MECOM: variants seen among roughly 807,000 people sequenced by gnomAD.
MECOM encodes the protein histone-lysine N-methyltransferase MECOM.
Under a neutral mutation model 116.3 loss-of-function variants are expected in MECOM, and 13 were observed. That is an observed-to-expected ratio of 0.11 (90% CI 0.07 to 0.18). The LOEUF (loss-of-function observed/expected upper bound fraction) is 0.18. MECOM is among the 10% of genes least tolerant of loss of function. MECOM has a pLI of 1.00. For synonymous variants in MECOM, 528 were observed against 535.2 expected, an observed-to-expected ratio of 0.99 and a Z score of 0.19; for missense variants, 1,299 against 1,509.0, an observed-to-expected ratio of 0.86 and a Z score of 2.31.
chr3:169,433,161 T>A (rs568589094), intron 1 of MECOM, among the ~76,000 whole-genome samples: 1 of 152,242 alleles, frequency 6.6e-6, no homozygotes, highest in East Asian at 1.9e-4. Flanking sequence ...AGAACCAATG[T>A]TGTCATGATG....
intron 2 of MECOM, among the ~76,000 whole-genome samples, chr3:169,260,101 C>T (rs1362183528): frequency 6.6e-6 from 1 of 152,194 alleles, no homozygotes; most frequent in Non-Finnish European, 1.5e-5. Flanking sequence ...TCATTAATCT[C>T]TAATTTTAAT....
intron 1 of MECOM, among the ~76,000 whole-genome samples, chr3:169,385,359 T>C (rs1191094895): frequency 6.6e-6 from 1 of 151,992 alleles, no homozygotes; most frequent in Non-Finnish European, 1.5e-5. Context: ...AAGAACAACT[T>C]ACATAGGTCA....
At chr3:169,136,331 C>T (rs1185527366) in intron 3 of MECOM, among the ~76,000 whole-genome samples, 1 of 151,186 alleles carries the variant, frequency 6.6e-6, no homozygotes, top group Non-Finnish European at 1.5e-5. Context: ...TTAGTAATCT[C>T]ATGTATATAA....
At chr3:169,536,559 A>G (rs1218344812) in intron 1 of MECOM, among the ~76,000 whole-genome samples, 2 of 152,024 alleles carry the variant, frequency 1.3e-5, no homozygotes, top group Non-Finnish European at 2.9e-5. Flanking sequence ...CTTTCCAAAA[A>G]AAAAAGAAAA....
At chr3:169,322,931 C>T (rs933576751) in intron 2 of MECOM, among the ~76,000 whole-genome samples, 1 of 120,512 alleles carries the variant, frequency 8.3e-6, no homozygotes, top group African/African-American at 3.3e-5. Context: ...CCGGGGGGGG[C>T]AGAGTTTGCA....
Position 169,107,961 on chromosome 3 carries a change from A to G in MECOM, c.2578-9T>C, listed in dbSNP as rs534375274. 3.7e-6 allele frequency: 6 copies of G among 1,612,462 alleles called. No homozygotes were observed. In the Admixed American group the frequency reaches 6.7e-5, roughly 18 times the overall value. On this transcript the variant is annotated splice_polypyrimidine_tract_variant and intron_variant, in intron 9 of 16. Transcript: ENST00000651503. ...TGATCAGGCAGTTGGAACTGGGAGC[A>G]AAATTGAAACAAAAACAAAAAATTA...
intron 5 of MECOM, among the ~76,000 whole-genome samples, chr3:169,127,469 C>G (rs937273668): frequency 1.3e-5 from 2 of 152,004 alleles, no homozygotes; most frequent in African/African-American, 4.8e-5. Context: ...CAGATCTAGT[C>G]CTTTAAAAAA....
intron 1 of MECOM, among the ~76,000 whole-genome samples, chr3:169,602,948 C>G (rs1296705125): frequency 1.3e-5 from 2 of 152,078 alleles, no homozygotes; most frequent in African/African-American, 4.8e-5. Flanking sequence ...AGGCTAGCCC[C>G]CAATACATAT....
intron 1 of MECOM, among the ~76,000 whole-genome samples, chr3:169,635,640 T>C (rs1772644099): frequency 6.6e-6 from 1 of 152,264 alleles, no homozygotes; most frequent in Admixed American, 6.5e-5. Context: ...CAAATATTCA[T>C]TGAACATGTA....
rs149342834 is a variant in MECOM at position 169,538,483 on chromosome 3, A to G, written c.37+124853T>C. Among the ~76,000 whole-genome samples the G allele has an allele frequency of 5.3e-4, 81 of 152,318 alleles. No individual in the cohort carries two copies. The Middle Eastern group carries it at 0.017, about 32-fold the overall frequency. ...ACTAAGTGAAAGCAAGTGACTACAAATTCCCTATCCTCAGTTTGCAAAACA... is the reference window on the plus strand; with the variant it reads ...ACTAAGTGAAAGCAAGTGACTACAAGTTCCCTATCCTCAGTTTGCAAAACA... On this transcript the variant is annotated intron_variant, in intron 1 of 16. Transcript: ENST00000651503.
chr3:169,477,212 C>T (rs75133804), intron 1 of MECOM, among the ~76,000 whole-genome samples: 4,877 of 143,506 alleles, frequency 0.034, 123 homozygotes, highest in South Asian at 0.089. Context: ...AGGTAGATTC[C>T]TAGTTAAATG....
chr3:169,529,606 T>C (rs1158176359), intron 1 of MECOM, among the ~76,000 whole-genome samples: 2 of 152,196 alleles, frequency 1.3e-5, no homozygotes, highest in African/African-American at 4.8e-5. Flanking sequence ...CACCTGTAGA[T>C]CTAAGAACAA....
At chr3:169,202,958 T>A (rs1437949412) in intron 2 of MECOM, among the ~76,000 whole-genome samples, 1 of 151,738 alleles carries the variant, frequency 6.6e-6, no homozygotes, top group Non-Finnish European at 1.5e-5. Context: ...CAAAGAATGA[T>A]CAAATAAAGT....
At chr3:169,087,301 G>GA (rs1477161252) in intron 16 of MECOM, among the ~76,000 whole-genome samples, 1 of 151,950 alleles carries the variant, frequency 6.6e-6, no homozygotes, top group Non-Finnish European at 1.5e-5. Flanking sequence ...AATTTAAAAA[G>GA]AAAAAACCAT....
intron 1 of MECOM, among the ~76,000 whole-genome samples, chr3:169,417,896 G>A (rs2108491346): frequency 6.6e-6 from 1 of 151,132 alleles, no homozygotes; most frequent in African/African-American, 2.4e-5. Context: ...TTATAGGTGG[G>A]AATCGAACAA....
Position 169,116,273 on chromosome 3 carries a change from C to G in MECOM, c.1599G>C (p.Gln533His), listed in dbSNP as rs1729125781. Residue 533 changes from glutamine (Q) to histidine (H), a missense_variant, in exon 8 of 17, where the codon CAG becomes CAC. Gln to His is a conservative substitution (Grantham distance 24). This residue lies in a region of MECOM where 238 missense variants were observed against 273.1 expected (regional missense o/e 0.87). Transcript: ENST00000651503. ...KSQSPLMTHPQILPATQDILK... is the reference protein window; with the variant it reads ...KSQSPLMTHPHILPATQDILK... ...AAATATCCTGTGTAGCTGGCAGTAT[C>G]TGAGGATGTGTCATGAGGGGACTTT... 1 of 1,614,018 alleles carries G rather than the reference C, an allele frequency of 6.2e-7. No individual in the cohort carries two copies. The highest frequency in any genetic ancestry group is 1.3e-5 in the African/African-American group (1 of 74,910).
chr3:169,106,260 A>G (rs1299086491), intron 10 of MECOM, among the ~76,000 whole-genome samples: 1 of 152,150 alleles, frequency 6.6e-6, no homozygotes, highest in African/African-American at 2.4e-5. Context: ...CACTCCATGT[A>G]TCACATTCAG....
At chr3:169,117,084 T>C (rs901459587) in intron 7 of MECOM, among the ~76,000 whole-genome samples, 1 of 152,186 alleles carries the variant, frequency 6.6e-6, no homozygotes, top group African/African-American at 2.4e-5. Flanking sequence ...ATTATACTAA[T>C]ATAATGTTGA....
intron 1 of MECOM, among the ~76,000 whole-genome samples, chr3:169,521,764 T>G (rs1471037613): frequency 6.6e-6 from 1 of 152,240 alleles, no homozygotes; most frequent in Non-Finnish European, 1.5e-5. Flanking sequence ...CTGCTCCAGG[T>G]AGCACCTTAA....
Sources: gnomAD v4.1 joint callset for allele counts (sites outside exome capture counted in the v4.1 genomes callset) on GRCh38, gnomAD v4.1.1 for gene constraint, gnomAD v4.1.1 regional missense constraint, MANE v1.5 for transcripts, NCBI Gene and HGNC (gene_info 2026-07-23, HGNC 2026-07-21) for gene names.